TMEFF2: variants seen among roughly 807,000 people sequenced by gnomAD.
The protein encoded by TMEFF2 is transmembrane protein with EGF like and two follistatin like domains 2, also known as tomoregulin-2.
Under a neutral mutation model 53.8 loss-of-function variants are expected in TMEFF2, and 28 were observed. The observed-to-expected ratio is 0.52, with a 90% confidence interval of 0.39 to 0.71. The LOEUF is 0.71. TMEFF2 is among the 30% of genes least tolerant of loss of function. TMEFF2 has a pLI of 0.00. For missense variants in TMEFF2, 353 were observed against 455.2 expected (o/e 0.78, Z 2.04); for synonymous variants, 162 against 166.3 (o/e 0.97, Z 0.20).
chr2:192,082,934 G>C (rs1440369232), intron 4 of TMEFF2, among the ~76,000 whole-genome samples: 1 of 148,198 alleles, frequency 6.7e-6, no homozygotes, highest in East Asian at 2.0e-4. Flanking sequence ...GGAATGTGTC[G>C]ACATCAACAA....
intron 4 of TMEFF2, among the ~76,000 whole-genome samples, chr2:192,130,050 T>C (rs1158455107): frequency 6.6e-6 from 1 of 152,220 alleles, no homozygotes; most frequent in Non-Finnish European, 1.5e-5. Flanking sequence ...GCACTGTGAT[T>C]TGTAGTTTTT....
chr2:192,190,447 A>G (rs980582437), intron 2 of TMEFF2, among the ~76,000 whole-genome samples: 1 of 152,324 alleles, frequency 6.6e-6, no homozygotes, highest in South Asian at 2.1e-4. Flanking sequence ...ACATTTGGGT[A>G]AGTATGAATT....
At chr2:192,094,973 A>G (rs1688870310) in intron 4 of TMEFF2, among the ~76,000 whole-genome samples, 1 of 152,214 alleles carries the variant, frequency 6.6e-6, no homozygotes, top group Admixed American at 6.5e-5. Flanking sequence ...TAAGCTTCCA[A>G]TAATTAAGTT....
rs149345453 is a variant in TMEFF2, at chr2:192,169,190, G to A, written c.439+10478C>T. On this transcript the variant is annotated intron_variant, in intron 4 of 9. Transcript: ENST00000272771. ...GAATGAATCAGACTGATGATACAAA[G>A]TATAATTGATGAGAGACATGTAGTC... 2.2e-3 allele frequency among the ~76,000 whole-genome samples: 336 copies of A among 152,224 alleles called. 3 individuals carry two copies. The highest frequency in any genetic ancestry group is 7.4e-3 in the African/African-American group (307 of 41,550).
At chr2:192,144,812 G>C (rs1484984944) in intron 4 of TMEFF2, among the ~76,000 whole-genome samples, 1 of 151,946 alleles carries the variant, frequency 6.6e-6, no homozygotes, top group Non-Finnish European at 1.5e-5. Flanking sequence ...CAAAGTTACA[G>C]TCACTAGTGG....
intron 4 of TMEFF2, among the ~76,000 whole-genome samples, chr2:192,150,352 G>C (rs1220542361): frequency 6.6e-6 from 1 of 151,804 alleles, no homozygotes; most frequent in Non-Finnish European, 1.5e-5. Context: ...GGCCAGTGTG[G>C]GGTGTTTCAC....
intron 4 of TMEFF2, among the ~76,000 whole-genome samples, chr2:192,129,305 C>A (rs1346636635): frequency 6.6e-6 from 1 of 151,346 alleles, no homozygotes; most frequent in Non-Finnish European, 1.5e-5. Context: ...AAATATAACC[C>A]ACGGGTTATT....
chr2:192,174,305 T>A (rs74443064), intron 4 of TMEFF2, among the ~76,000 whole-genome samples: 1 of 151,844 alleles, frequency 6.6e-6, no homozygotes, highest in African/African-American at 2.4e-5. Flanking sequence ...AAAAAAAAGT[T>A]ATTTTTATTT....
chr2:192,022,704 A>G (rs534614768), intron 5 of TMEFF2, among the ~76,000 whole-genome samples: 2 of 151,790 alleles, frequency 1.3e-5, no homozygotes, highest in East Asian at 1.9e-4. Flanking sequence ...TTTGCCTGAG[A>G]TTTTTTCTTT....
At chr2:191,992,064 C>G (rs1686122543) in intron 7 of TMEFF2, among the ~76,000 whole-genome samples, 1 of 152,052 alleles carries the variant, frequency 6.6e-6, no homozygotes, top group South Asian at 2.1e-4. Flanking sequence ...AGACACTTTC[C>G]CTCAGAAATC....
intron 7 of TMEFF2, among the ~76,000 whole-genome samples, chr2:191,993,280 T>C (rs945148790): frequency 3.3e-5 from 5 of 152,088 alleles, no homozygotes; most frequent in African/African-American, 1.2e-4. Flanking sequence ...CGTTTAACTA[T>C]TTCTGATTTC....
At chr2:192,031,424 G>T (rs528472600) in intron 5 of TMEFF2, 2 of 152,134 alleles carry the variant, frequency 1.3e-5, no homozygotes, top group East Asian at 3.9e-4. Context: ...GAATCAGAGC[G>T]GCAAAAATAT....
chr2:192,070,958 G>A (rs984651480), intron 4 of TMEFF2, among the ~76,000 whole-genome samples: 3 of 151,796 alleles, frequency 2.0e-5, no homozygotes, highest in Non-Finnish European at 4.4e-5. Flanking sequence ...ATGAGTTGTC[G>A]AGTGGAAAGT....
At position 191,953,809 on chromosome 2, in the gene TMEFF2, A is replaced by G. The variant is rs1559057921; in HGVS notation, c.898T>C (p.Cys300Arg). ...RCDAGYTGQHCEKKDYSVLYV... is the reference protein window; with the variant it reads ...RCDAGYTGQHREKKDYSVLYV... ...AGAACACTGTAGTCCTTTTTTTCAC[A>G]GTGTTGTCCAGTATAACCAGCATCA... The change falls in exon 9 of 10, where the codon TGT (cysteine) becomes CGT (arginine). Residue 300 changes from cysteine (C) to arginine (R), a missense_variant. Cys to Arg is a radical substitution (Grantham distance 180). This residue lies in a region of TMEFF2 where 294 missense variants were observed against 397.3 expected (regional missense o/e 0.74). Transcript: ENST00000272771. The G allele has an allele frequency of 6.2e-7, 1 of 1,611,970 alleles. No homozygotes were observed.
At chr2:192,094,471 A>G (rs1014590918) in intron 4 of TMEFF2, among the ~76,000 whole-genome samples, 1 of 152,064 alleles carries the variant, frequency 6.6e-6, no homozygotes, top group Non-Finnish European at 1.5e-5. Flanking sequence ...ATTCTACCAG[A>G]GGCCAGAGGA....
chr2:192,156,248 G>A (rs1043784513), intron 4 of TMEFF2, among the ~76,000 whole-genome samples: 4 of 151,952 alleles, frequency 2.6e-5, no homozygotes, highest in Non-Finnish European at 5.9e-5. Context: ...TATCCATAAT[G>A]CTAACAACAG....
chr2:192,058,101 T>A (rs1687955129), intron 4 of TMEFF2, among the ~76,000 whole-genome samples: 1 of 152,230 alleles, frequency 6.6e-6, no homozygotes, highest in South Asian at 2.1e-4. Context: ...GAGTTAAATT[T>A]TCACCTCTCT....
intron 4 of TMEFF2, among the ~76,000 whole-genome samples, chr2:192,174,798 C>A (rs1174006197): frequency 6.6e-6 from 1 of 151,514 alleles, no homozygotes; most frequent in African/African-American, 2.4e-5. Context: ...TGAGCCCAAG[C>A]GCTTGGTGGG....
chr2:192,120,705 A>G (rs1360486882), intron 4 of TMEFF2, among the ~76,000 whole-genome samples: 1 of 151,968 alleles, frequency 6.6e-6, no homozygotes, highest in African/African-American at 2.4e-5. Context: ...GAGATCTGTT[A>G]TAGTATCCAC....
Sources: gnomAD v4.1 joint callset for allele counts (sites outside exome capture counted in the v4.1 genomes callset) on GRCh38, gnomAD v4.1.1 for gene constraint, gnomAD v4.1.1 regional missense constraint, MANE v1.5 for transcripts, NCBI Gene and HGNC (gene_info 2026-07-23, HGNC 2026-07-21) for gene names.